Variants in CHD8 observed in about 807,000 individuals in gnomAD.
CHD8 encodes the protein chromodomain helicase DNA binding protein 8, also known as ATP-dependent chromatin remodeler CHD8.
In CHD8, 31 loss-of-function variants were observed where a neutral mutation model predicts 279.2. The observed-to-expected ratio is 0.11, with a 90% CI of 0.08 to 0.15. CHD8 has a LOEUF of 0.15. Ranked by LOEUF, CHD8 falls within the 10% of genes least tolerant of loss-of-function variation. CHD8 has a pLI of 1.00. For synonymous variants in CHD8, 1,081 were observed against 1,139.6 expected, an observed-to-expected ratio of 0.95 and a Z score of 1.04; for missense variants, 2,146 against 3,230.5, an observed-to-expected ratio of 0.66 and a Z score of 8.14.
intron 1 of CHD8, among the ~76,000 whole-genome samples, chr14:21,445,472 G>A (rs1455229051): frequency 6.6e-6 from 1 of 151,910 alleles, no homozygotes; most frequent in East Asian, 1.9e-4. Flanking sequence ...CCTGAGGTCA[G>A]GAGTTCGTTC....
intron 5 of CHD8, chr14:21,419,516 T>C (rs10150329): frequency 0.92 from 141,442 of 153,050 alleles, 65,472 homozygotes; most frequent in African/African-American, 0.94. Flanking sequence ...GCTGATATCG[T>C]GCCACTGCAC....
intron 1 of CHD8, among the ~76,000 whole-genome samples, chr14:21,441,628 C>G (rs913154062): frequency 2.0e-5 from 3 of 152,204 alleles, no homozygotes; most frequent in Non-Finnish European, 4.4e-5. Context: ...GTGGCTCATG[C>G]CTGTAATCCC....
rs183233256 is a variant in CHD8 at position 21,442,013 on chromosome 14, G to T, written c.-215-10155C>A. The stretch of plus-strand genomic sequence containing the variant: ...AAAGTCTGGCTTGGAGATAGATTTT[G>T]AGAGTTATTAGCAACTAAGTGTTAG... On this transcript the variant is annotated intron_variant, in intron 1 of 37. Transcript: ENST00000646647. Among the ~76,000 whole-genome samples, 10 of 152,372 alleles carry T rather than the reference G, an allele frequency of 6.6e-5. No homozygotes were observed. In the East Asian group the frequency reaches 1.9e-3, roughly 29 times the overall value.
In CHD8 at chr14:21,431,409, A is replaced by G. The variant is rs1347356706; in HGVS notation, c.235T>C (p.Ser79Pro). ...PPEETAPTEL[S>P]KESTAPAPES... ...GGAGCTGGAGCTGTGGATTCTTTGG[A>G]AAGTTCTGTGGGAGCTGTTTCCTCT... The change falls in exon 2 of 38, where the codon TCC (serine) becomes CCC (proline). Residue 79 changes from serine to proline, a missense_variant. Coordinates refer to ENST00000646647, the MANE Select transcript of CHD8 (RefSeq NM_001170629.2). 2.3e-5 allele frequency: 36 copies of G among 1,537,072 alleles called. No individual in the cohort carries two copies. Among genetic ancestry groups the G allele is most frequent in the Non-Finnish European group, 3.1e-5 (35 of 1,146,918 alleles).
chr14:21,436,146 A>G (rs1475206282), intron 1 of CHD8, among the ~76,000 whole-genome samples: 1 of 152,196 alleles, frequency 6.6e-6, no homozygotes, highest in Non-Finnish European at 1.5e-5. Flanking sequence ...ACTCATGACC[A>G]CTTAACCTCT....
Position 21,391,583 on chromosome 14 carries a change from G to C in CHD8, c.6945C>G (p.Ile2315Met). ...TACCATCCACCTTATTGATGACAGG[G>C]ATCCGGGTCTCCAGGTCCACATCAA... ...NHLDVDLETR[I>M]PVINKVDGTL... Residue 2315 changes from isoleucine (I) to methionine (M), a missense_variant, in exon 36 of 38, where the codon ATC becomes ATG. Transcript: ENST00000646647. 6.2e-7 allele frequency: 1 copy of C among 1,612,302 alleles called. No homozygotes were observed.
intron 33 of CHD8, 79 bp downstream of exon 33, chr14:21,393,027 A>G (rs1007524693): frequency 1.3e-5 from 19 of 1,466,544 alleles, no homozygotes; most frequent in Non-Finnish European, 3.7e-6. Context: ...ATCCAGAACC[A>G]TATGTTCCTT....
chr14:21,388,440 T>C (rs924749206), intron 37 of CHD8, among the ~76,000 whole-genome samples: 7 of 152,220 alleles, frequency 4.6e-5, no homozygotes, highest in Non-Finnish European at 1.0e-4. Flanking sequence ...GAGATTAAAG[T>C]GTATCAGAGG....
At chr14:21,419,205 AC>A (rs1157762024) in intron 5 of CHD8, among the ~76,000 whole-genome samples, 2 of 151,696 alleles carry the variant, frequency 1.3e-5, no homozygotes, top group Non-Finnish European at 2.9e-5. Context: ...TCTTAAAATG[AC>A]CTTTTTAAAA....
intron 1 of CHD8, among the ~76,000 whole-genome samples, chr14:21,441,692 T>C (rs190464303): frequency 0.012 from 1,838 of 151,948 alleles, 21 homozygotes; most frequent in South Asian, 0.033. Context: ...ATGGAGACCA[T>C]CCTGGCTAAC....
chr14:21,393,446 G>C, intron 32 of CHD8, 30 bp downstream of exon 32: 1 of 1,522,990 alleles, frequency 6.6e-7, no homozygotes, highest in South Asian at 1.3e-5. Context: ...AAATAGGGAA[G>C]GGGGCCAACA....
At chr14:21,397,339 C>T in intron 27 of CHD8, 1 of 518,908 alleles carries the variant, frequency 1.9e-6, no homozygotes, top group Non-Finnish European at 3.8e-6. Flanking sequence ...CACTGGCACC[C>T]AAACCAGGGC....
Position 21,385,823 on chromosome 14 carries a change from T to G in CHD8, c.7536A>C (p.Arg2512Ser). 6.5e-7 allele frequency: 1 copy of G among 1,540,446 alleles called. No individual in the cohort carries two copies. Among genetic ancestry groups the G allele is most frequent in the East Asian group, 2.5e-5 (1 of 40,368 alleles). The change falls in exon 38 of 38, where the codon AGA (arginine) becomes AGC (serine). Residue 2512 changes from arginine (R) to serine (S), a missense_variant. By Grantham distance (110) the Arg-to-Ser change is moderately radical (BLOSUM62 -1). Coordinates refer to ENST00000646647, the MANE Select transcript of CHD8 (RefSeq NM_001170629.2). Reference sequence around the variant, plus strand: ...CTGGTGAAGAGGGGTAGCCAGGGGCTCTCAAGCCTGGATGGTGATGGTGGT... The same window carrying G: ...CTGGTGAAGAGGGGTAGCCAGGGGCGCTCAAGCCTGGATGGTGATGGTGGT... ...HHHHHHHPGLRAPGYPSSPVT... is the reference protein window; with the variant it reads ...HHHHHHHPGLSAPGYPSSPVT...
chr14:21,400,726 A>G lies in CHD8; in HGVS notation c.4371-114T>C. 1 of 1,277,844 alleles carries G rather than the reference A, an allele frequency of 7.8e-7. No individual in the cohort carries two copies. The highest frequency in any genetic ancestry group is 1.1e-6 in the Non-Finnish European group (1 of 940,182). The allele number at this position is 1,277,844 out of a possible 1,614,324, so 79.2% of individuals were successfully genotyped here. A position where few individuals can be genotyped will look rare whatever the true frequency, so the allele number is the denominator to read the frequency against. ...AAGATCTTAAAAAACATGGTAACAG[A>G]ATAAACAGAACAAACTCCCTCCAAG... On this transcript the variant is annotated intron_variant, in intron 22 of 37. Transcript: ENST00000646647. This position sits in a 1 kb window ranked among gnomAD's most constrained non-coding sequence, Gnocchi z 4.2.
intron 1 of CHD8, among the ~76,000 whole-genome samples, chr14:21,451,139 CTCTT>C (rs1293735515): frequency 6.6e-6 from 1 of 152,162 alleles, no homozygotes; most frequent in Non-Finnish European, 1.5e-5. Context: ...GTTCTGGAAA[CTCTT>C]TCCAAACAAA....
chr14:21,426,932 C>T (rs1270685184), intron 4 of CHD8: 1 of 152,218 alleles, frequency 6.6e-6, no homozygotes, highest in African/African-American at 2.4e-5. Context: ...TCTCTTTTTA[C>T]TGATGTGGGT....
chr14:21,453,748 G>C (rs1352816041), intron 1 of CHD8, among the ~76,000 whole-genome samples: 2 of 151,880 alleles, frequency 1.3e-5, no homozygotes, highest in African/African-American at 4.9e-5. Flanking sequence ...TAGACAAACA[G>C]TTCACTAAAG....
intron 5 of CHD8, among the ~76,000 whole-genome samples, chr14:21,418,869 A>C (rs1004595472): frequency 6.6e-6 from 1 of 152,208 alleles, no homozygotes; most frequent in Non-Finnish European, 1.5e-5. Flanking sequence ...AGTTAATCTA[A>C]GGTAAGAGAG....
intron 7 of CHD8, 77 bp downstream of exon 7, chr14:21,415,497 T>C: frequency 1.2e-6 from 1 of 833,440 alleles, no homozygotes; most frequent in African/African-American, 1.8e-5. Flanking sequence ...ACAGTTAGAC[T>C]CTATTTCAAA....
Sources: gnomAD v4.1 joint callset for allele counts (sites outside exome capture counted in the v4.1 genomes callset) on GRCh38, gnomAD v4.1.1 for gene constraint, Gnocchi (gnomAD v3.1) non-coding constraint, MANE v1.5 for transcripts, NCBI Gene and HGNC (gene_info 2026-07-23, HGNC 2026-07-21) for gene names.